Variants in MORC1 observed in about 807,000 individuals in gnomAD.
MORC1 encodes the protein MORC family CW-type zinc finger protein 1.
A neutral mutation model predicts 134.9 loss-of-function variants in MORC1; 59 were observed. That is an observed-to-expected ratio of 0.44 (90% CI 0.35 to 0.54). The LOEUF (loss-of-function observed/expected upper bound fraction) is 0.54, where lower values mean the gene tolerates loss of function less well. Ranked by LOEUF, MORC1 falls within the 20% of genes least tolerant of loss-of-function variation. The pLI, the probability that MORC1 is intolerant of heterozygous loss-of-function variation, is 0.00. For synonymous variants in MORC1, 395 were observed against 391.7 expected (o/e 1.01, Z -0.10); for missense variants, 947 against 1,134.5 (o/e 0.83, Z 2.37).
chr3:109,108,979 A>G (rs1951099470), intron 3 of MORC1, among the ~76,000 whole-genome samples: 1 of 151,840 alleles, frequency 6.6e-6, no homozygotes, highest in African/African-American at 2.4e-5. Flanking sequence ...CACTGACTGC[A>G]GAAAAAACCT....
intron 23 of MORC1, 139 bp from the exon 24 acceptor site, chr3:108,979,806 C>T: frequency 1.2e-6 from 1 of 837,894 alleles, no homozygotes; most frequent in Non-Finnish European, 1.8e-6. Context: ...ACTGCCACCA[C>T]TGTAGTTACA....
At position 109,003,391 on chromosome 3, in the gene MORC1, GCACACACACA is replaced by G. The variant is rs3054383; in HGVS notation, c.2085+1416_2085+1425del. On this transcript the variant is annotated intron_variant, in intron 20 of 27. Transcript: ENST00000232603. ...ATAGCTTTACATATTATATGTGTATGCACACACACACACACACACACACACACACACACAC... is the reference window on the plus strand; with the variant it reads ...ATAGCTTTACATATTATATGTGTATGCACACACACACACACACACACACAC... Among the ~76,000 whole-genome samples the G allele has an allele frequency of 9.7e-3, 1,430 of 146,702 alleles. 21 individuals carry two copies. Among genetic ancestry groups the G allele is most frequent in the African/African-American group, 0.026 (1,018 of 39,772 alleles).
At chr3:109,025,861 T>C (rs1233031935) in intron 17 of MORC1, among the ~76,000 whole-genome samples, 1 of 152,246 alleles carries the variant, frequency 6.6e-6, no homozygotes, top group Non-Finnish European at 1.5e-5. Flanking sequence ...TCTGACGGCA[T>C]GTTTTACTTA....
intron 26 of MORC1, among the ~76,000 whole-genome samples, chr3:108,964,079 A>G (rs1947153825): frequency 6.6e-6 from 1 of 152,236 alleles, no homozygotes; most frequent in South Asian, 2.1e-4. Context: ...TGTAGCATCT[A>G]GAAAGCACAG....
At chr3:109,016,602 C>T (rs1948820459) in intron 17 of MORC1, among the ~76,000 whole-genome samples, 1 of 152,208 alleles carries the variant, frequency 6.6e-6, no homozygotes, top group African/African-American at 2.4e-5. Context: ...GTGGCTCATG[C>T]CTGTAATCCC....
chr3:108,966,710 T>C (rs1328904618), intron 26 of MORC1, among the ~76,000 whole-genome samples: 2 of 152,108 alleles, frequency 1.3e-5, no homozygotes, highest in Non-Finnish European at 2.9e-5. Flanking sequence ...TAAAACATAA[T>C]ATTGACCAAG....
At chr3:109,031,854 T>C (rs1949248545) in intron 16 of MORC1, among the ~76,000 whole-genome samples, 1 of 152,060 alleles carries the variant, frequency 6.6e-6, no homozygotes, top group African/African-American at 2.4e-5. Context: ...AAAACAAGGT[T>C]GCATTGCAAA....
chr3:109,000,711 A>G, intron 20 of MORC1, 53 bp from the exon 21 acceptor site: 1 of 1,278,154 alleles, frequency 7.8e-7, no homozygotes, highest in South Asian at 1.3e-5. Context: ...AATCAATGGT[A>G]CATACTAAAC....
chr3:109,004,190 A>G (rs1246882821), intron 20 of MORC1, among the ~76,000 whole-genome samples: 2 of 152,256 alleles, frequency 1.3e-5, no homozygotes, highest in Admixed American at 1.3e-4. Context: ...TACACTGGGC[A>G]GAACTCAGCA....
intron 8 of MORC1, among the ~76,000 whole-genome samples, chr3:109,079,382 T>A (rs1370780962): frequency 6.6e-6 from 1 of 151,972 alleles, no homozygotes; most frequent in Admixed American, 6.6e-5. Flanking sequence ...TCAACAGATG[T>A]CAAAAAGCAT....
At chr3:109,101,660 T>C (rs1366897223) in intron 4 of MORC1, 2 of 152,236 alleles carry the variant, frequency 1.3e-5, no homozygotes, top group African/African-American at 4.8e-5. Context: ...ATATCCATAA[T>C]GACAATCTTA....
At chr3:108,960,895 C>CTCTTAA (rs1185920046) in intron 27 of MORC1, among the ~76,000 whole-genome samples, 4 of 152,192 alleles carry the variant, frequency 2.6e-5, no homozygotes, top group African/African-American at 9.7e-5. Flanking sequence ...ATTCCAAGGA[C>CTCTTAA]TCTTAGATCT....
At chr3:108,973,254 A>C (rs1316581630) in intron 24 of MORC1, among the ~76,000 whole-genome samples, 1 of 152,200 alleles carries the variant, frequency 6.6e-6, no homozygotes, top group Non-Finnish European at 1.5e-5. Flanking sequence ...CCAGGAACCC[A>C]ATACAATCTT....
intron 24 of MORC1, among the ~76,000 whole-genome samples, chr3:108,977,107 G>A (rs913383442): frequency 1.4e-4 from 22 of 152,244 alleles, no homozygotes; most frequent in African/African-American, 5.3e-4. Context: ...TGAAGAGAGG[G>A]TATATGCTAT....
intron 16 of MORC1, among the ~76,000 whole-genome samples, chr3:109,028,831 A>G (rs1455678913): frequency 2.0e-5 from 3 of 152,174 alleles, no homozygotes; most frequent in Non-Finnish European, 4.4e-5. Flanking sequence ...ATGGAGGGGA[A>G]GGAACACGCA....
In MORC1 at chr3:109,045,025, A is replaced by G. The variant is rs144392007; in HGVS notation, c.1331-9557T>C. ...ATCTGTTCATAGAACATACAATGAC[A>G]TTCAGGGAATCAGTGAGCCTAGGAG... On this transcript the variant is annotated intron_variant, in intron 14 of 27. Coordinates refer to ENST00000232603, the MANE Select transcript of MORC1 (RefSeq NM_014429.4). 2.7e-3 allele frequency among the ~76,000 whole-genome samples: 417 copies of G among 152,194 alleles called. 1 individual carries two copies. The highest frequency in any genetic ancestry group is 4.0e-3 in the Non-Finnish European group (271 of 68,010).
At chr3:108,978,084 A>G (rs1000439209) in intron 24 of MORC1, among the ~76,000 whole-genome samples, 1 of 152,022 alleles carries the variant, frequency 6.6e-6, no homozygotes, top group Admixed American at 6.5e-5. Flanking sequence ...TCACCGTGTT[A>G]GCCAGGATGG....
At chr3:108,969,612 T>A in intron 26 of MORC1, 57 bp downstream of exon 26, 1 of 1,499,780 alleles carries the variant, frequency 6.7e-7, no homozygotes, top group Non-Finnish European at 9.3e-7. Flanking sequence ...ACATTATTTA[T>A]CCTTTCGAAC....
intron 26 of MORC1, among the ~76,000 whole-genome samples, chr3:108,964,544 C>T (rs1327891867): frequency 1.3e-5 from 2 of 152,140 alleles, no homozygotes; most frequent in Admixed American, 6.6e-5. Context: ...CTTTAGCATT[C>T]GCTGACCTCA....
Sources: allele counts gnomAD v4.1 joint callset (sites outside exome capture counted in the v4.1 genomes callset), GRCh38; gene constraint gnomAD v4.1.1; transcripts MANE v1.5; gene names NCBI Gene and HGNC (gene_info 2026-07-23, HGNC 2026-07-21).